Variants in PKP4 observed in about 807,000 individuals in gnomAD.
PKP4 encodes plakophilin-4.
In PKP4, 90 loss-of-function variants were observed where a neutral mutation model predicts 145.1. That is an observed-to-expected ratio of 0.62 (90% CI 0.52 to 0.74). The LOEUF (loss-of-function observed/expected upper bound fraction) is 0.74, where lower values mean the gene tolerates loss of function less well. Among genes scored for constraint, PKP4 ranks in the 30% least tolerant of loss-of-function variants. The pLI is 0.00. For missense variants in PKP4, 1,340 were observed against 1,482.7 expected, an observed-to-expected ratio of 0.90 and a Z score of 1.58; for synonymous variants, 563 against 577.2, an observed-to-expected ratio of 0.98 and a Z score of 0.35.
chr2:158,588,460 T>A (rs1211971642), intron 3 of PKP4, among the ~76,000 whole-genome samples: 1 of 152,178 alleles, frequency 6.6e-6, no homozygotes, highest in Non-Finnish European at 1.5e-5. Context: ...TATGCTATGG[T>A]CCATTTGAGT....
At chr2:158,571,993 A>G (rs1374984292) in intron 2 of PKP4, among the ~76,000 whole-genome samples, 1 of 152,218 alleles carries the variant, frequency 6.6e-6, no homozygotes, top group African/African-American at 2.4e-5. Flanking sequence ...AAAGAAACAC[A>G]GTAATCACCA....
chr2:158,531,361 G>A (rs999612113), intron 1 of PKP4, among the ~76,000 whole-genome samples: 10 of 151,750 alleles, frequency 6.6e-5, no homozygotes, highest in African/African-American at 2.4e-4. Flanking sequence ...GGCATTATTT[G>A]TTTCACTGTT....
intron 2 of PKP4, among the ~76,000 whole-genome samples, chr2:158,565,747 C>G (rs931991337): frequency 6.6e-6 from 1 of 152,138 alleles, no homozygotes; most frequent in African/African-American, 2.4e-5. Flanking sequence ...CTAGATGTGC[C>G]TGAGCTCTCC....
At chr2:158,611,905 C>T (rs2105872289) in intron 4 of PKP4, among the ~76,000 whole-genome samples, 1 of 152,156 alleles carries the variant, frequency 6.6e-6, no homozygotes, top group South Asian at 2.1e-4. Flanking sequence ...GCCCATTTAG[C>T]CACACAGTCT....
intron 1 of PKP4, among the ~76,000 whole-genome samples, chr2:158,492,868 G>T (rs1424368201): frequency 6.6e-6 from 1 of 152,008 alleles, no homozygotes; most frequent in Non-Finnish European, 1.5e-5. Flanking sequence ...ACAGCTTTTT[G>T]GTTTTGTTTC....
intron 1 of PKP4, among the ~76,000 whole-genome samples, chr2:158,466,261 C>T (rs1690590137): frequency 6.6e-6 from 1 of 152,140 alleles, no homozygotes; most frequent in South Asian, 2.1e-4. Flanking sequence ...AGTACCTATC[C>T]TCTGTCCTTT....
At chr2:158,520,574 T>G (rs2042286968) in intron 1 of PKP4, among the ~76,000 whole-genome samples, 1 of 152,256 alleles carries the variant, frequency 6.6e-6, no homozygotes, top group Non-Finnish European at 1.5e-5. Flanking sequence ...TTTTCCATTC[T>G]GTGAGAAAAC....
At chr2:158,548,343 CTTCT>C (rs1339441383) in intron 2 of PKP4, 3 of 152,106 alleles carry the variant, frequency 2.0e-5, no homozygotes, top group Non-Finnish European at 4.4e-5. Context: ...TTTTATTTGG[CTTCT>C]TTATGTTAAC....
chr2:158,624,867 C>A lies in PKP4; in HGVS notation c.604-11C>A, dbSNP rs772956481. 1.0e-5 allele frequency: 16 copies of A among 1,550,884 alleles called. No homozygotes were observed. Among genetic ancestry groups the A allele is most frequent in the African/African-American group, 5.5e-5 (4 of 72,646 alleles). On this transcript the variant is annotated splice_polypyrimidine_tract_variant and intron_variant, in intron 6 of 21. Transcript: ENST00000389759. ...ATAAACCCATTCTCTTTTTTCCCCC[C>A]CTTTCATCAGCCATCAGTAGCCAAT...
chr2:158,575,975 G>C (rs891494476), intron 2 of PKP4, among the ~76,000 whole-genome samples: 4 of 152,120 alleles, frequency 2.6e-5, no homozygotes, highest in Admixed American at 1.3e-4. Flanking sequence ...GGCAGGCATT[G>C]TCCCACTTAC....
intron 1 of PKP4, among the ~76,000 whole-genome samples, chr2:158,469,952 C>G (rs2105398758): frequency 6.6e-6 from 1 of 152,274 alleles, no homozygotes; most frequent in African/African-American, 2.4e-5. Flanking sequence ...TCAATGACCC[C>G]TCTTTAATGA....
chr2:158,530,368 A>T (rs1182037737), intron 1 of PKP4, among the ~76,000 whole-genome samples: 1 of 152,102 alleles, frequency 6.6e-6, no homozygotes, highest in Non-Finnish European at 1.5e-5. Context: ...ACCCTCAAAA[A>T]TGGTTCAGCA....
At chr2:158,643,712 CAAA>C (rs762303684) in intron 11 of PKP4, among the ~76,000 whole-genome samples, 5 of 69,756 alleles carry the variant, frequency 7.2e-5, no homozygotes, top group South Asian at 6.6e-4. Context: ...GGCCCTGTTT[CAAA>C]AAAAAAAAAA....
At chr2:158,528,163 T>C (rs2043132216) in intron 1 of PKP4, among the ~76,000 whole-genome samples, 1 of 144,544 alleles carries the variant, frequency 6.9e-6, no homozygotes, top group Admixed American at 7.1e-5. Context: ...CTGTAAATCA[T>C]GCTGCTATAA....
At chr2:158,558,990 A>G (rs916990109) in intron 2 of PKP4, among the ~76,000 whole-genome samples, 36 of 152,170 alleles carry the variant, frequency 2.4e-4, no homozygotes, top group African/African-American at 8.7e-4. Context: ...GTGGTACTTC[A>G]GAGAAAAGTC....
At position 158,574,310 on chromosome 2, in the gene PKP4, TC is replaced by T. The variant is rs151144433; in HGVS notation, c.133-2956del. On this transcript the variant is annotated intron_variant, in intron 2 of 21. Coordinates refer to ENST00000389759, the MANE Select transcript of PKP4 (RefSeq NM_003628.6). ...TTCTCACAAAAGAACAAATATAAGC[TC>T]CCCCTATAATTAAGATTCCCAATTT... Among the ~76,000 whole-genome samples, 745 of 152,244 alleles carry T rather than the reference TC, an allele frequency of 4.9e-3. 2 individuals are homozygous for T. The highest frequency in any genetic ancestry group is 0.016 in the African/African-American group (682 of 41,534).
chr2:158,677,068 T>C (rs1350623575), intron 20 of PKP4: 8 of 604,680 alleles, frequency 1.3e-5, no homozygotes, highest in Middle Eastern at 4.5e-4. Flanking sequence ...TACTTGTTTG[T>C]ATGTATGTAT....
chr2:158,673,920 C>G lies in PKP4; in HGVS notation c.3047C>G (p.Ser1016Trp), dbSNP rs749238207. Reference protein sequence around the residue: ...WNQNHFITPVSTLERDRFKSH... With the variant: ...WNQNHFITPVWTLERDRFKSH... The stretch of plus-strand genomic sequence containing the variant: ...CAGAACCATTTTATTACACCTGTGT[C>G]GACATTGGAGCGAGACCGATTCAAA... Residue 1016 changes from serine (S) to tryptophan (W), a missense_variant, in exon 19 of 22, where the codon TCG becomes TGG. Physicochemically the swap from Ser to Trp is radical, Grantham distance 177. Coordinates refer to ENST00000389759, the MANE Select transcript of PKP4 (RefSeq NM_003628.6). 6.2e-7 allele frequency: 1 copy of G among 1,612,612 alleles called. No homozygotes were observed. The highest frequency in any genetic ancestry group is 1.1e-5 in the South Asian group (1 of 91,058).
intron 3 of PKP4, among the ~76,000 whole-genome samples, chr2:158,594,873 T>G (rs2049587826): frequency 6.6e-6 from 1 of 152,148 alleles, no homozygotes; most frequent in Non-Finnish European, 1.5e-5. Context: ...GTAGTGAATG[T>G]GGTGGTGGAG....
Sources: allele counts gnomAD v4.1 joint callset (sites outside exome capture counted in the v4.1 genomes callset), GRCh38; gene constraint gnomAD v4.1.1; transcripts MANE v1.5; gene names NCBI Gene and HGNC (gene_info 2026-07-23, HGNC 2026-07-21).